CPLANE1: variants seen among roughly 807,000 people sequenced by gnomAD.
CPLANE1 encodes the protein ciliogenesis and planar polarity effector 1.
CPLANE1 carries 263 observed loss-of-function variants against 362.5 expected under a neutral mutation model. The ratio of observed to expected loss-of-function variants is 0.73; its 90% CI spans 0.66 to 0.80. CPLANE1 has a LOEUF of 0.80. Among genes scored for constraint, CPLANE1 ranks in the 30% least tolerant of loss-of-function variants. CPLANE1 has a pLI of 0.00. For synonymous variants in CPLANE1, 1,212 were observed against 1,302.6 expected, an observed-to-expected ratio of 0.93 and a Z score of 1.50; for missense variants, 3,461 against 3,793.4, an observed-to-expected ratio of 0.91 and a Z score of 2.30.
chr5:37,122,042 G>T (rs1207410784), intron 48 of CPLANE1, among the ~76,000 whole-genome samples: 1 of 151,928 alleles, frequency 6.6e-6, no homozygotes, highest in Admixed American at 6.6e-5. Context: ...CACCATGCCC[G>T]GCTAATTTCA....
chr5:37,216,583 G>A (rs1794149031), intron 15 of CPLANE1, among the ~76,000 whole-genome samples: 1 of 152,182 alleles, frequency 6.6e-6, no homozygotes, highest in East Asian at 1.9e-4. Context: ...AGTGAAGGGA[G>A]ATGGCTAGAT....
chr5:37,128,928 C>CA (rs1489597901), intron 46 of CPLANE1, among the ~76,000 whole-genome samples: 1 of 151,636 alleles, frequency 6.6e-6, no homozygotes, highest in South Asian at 2.1e-4. Flanking sequence ...CATATGGAAC[C>CA]AAAAAAGAGC....
intron 16 of CPLANE1, chr5:37,211,458 T>G: frequency 6.9e-7 from 1 of 1,456,246 alleles, no homozygotes; most frequent in Non-Finnish European, 9.3e-7. Flanking sequence ...CAGAGTTGTC[T>G]CTGAGCAGCC....
intron 51 of CPLANE1, among the ~76,000 whole-genome samples, chr5:37,112,541 C>A (rs1245339877): frequency 6.6e-6 from 1 of 152,184 alleles, no homozygotes; most frequent in African/African-American, 2.4e-5. Context: ...ACCAGGCTGC[C>A]AAGTACACTG....
At chr5:37,214,052 A>G (rs1793349356) in intron 15 of CPLANE1, among the ~76,000 whole-genome samples, 1 of 152,190 alleles carries the variant, frequency 6.6e-6, no homozygotes, top group Non-Finnish European at 1.5e-5. Context: ...GGCATACCAC[A>G]TAACCTAGAA....
chr5:37,173,912 G>A lies in CPLANE1; in HGVS notation c.6014C>T (p.Ser2005Leu). The A allele has an allele frequency of 1.2e-6, 2 of 1,614,106 alleles. No homozygotes were observed. The highest frequency in any genetic ancestry group is 8.5e-7 in the Non-Finnish European group (1 of 1,180,006). Residue 2005 changes from serine to leucine, a missense_variant, in exon 32 of 53, where the codon TCA becomes TTA. By Grantham distance (145) the Ser-to-Leu change is moderately radical. Transcript: ENST00000651892. ...QISTYKEKSS[S>L]VPLLISNGVN... Reference sequence around the variant, plus strand: ...TCCATTTGATATCAGAAGTGGAACTGAGGAAGATTTTTCTTTATATGTAGA... The same window carrying A: ...TCCATTTGATATCAGAAGTGGAACTAAGGAAGATTTTTCTTTATATGTAGA...
chr5:37,111,590 A>G (rs961842186), intron 51 of CPLANE1, among the ~76,000 whole-genome samples: 6 of 152,342 alleles, frequency 3.9e-5, no homozygotes, highest in African/African-American at 1.4e-4. Flanking sequence ...GTGCAGTGGT[A>G]CAGACAGCTT....
intron 21 of CPLANE1, among the ~76,000 whole-genome samples, chr5:37,193,995 CA>C (rs779081786): frequency 1.3e-5 from 2 of 150,694 alleles, no homozygotes; most frequent in African/African-American, 2.4e-5. Context: ...AATCTTGGCT[CA>C]CTGCAACCTC....
intron 15 of CPLANE1, among the ~76,000 whole-genome samples, chr5:37,215,112 C>T (rs953949198): frequency 9.2e-5 from 14 of 152,030 alleles, no homozygotes; most frequent in Admixed American, 3.3e-4. Flanking sequence ...TGCAATGGTG[C>T]GATCTCAGCT....
intron 47 of CPLANE1, among the ~76,000 whole-genome samples, chr5:37,124,642 T>A (rs139685559): frequency 2.0e-5 from 3 of 152,254 alleles, no homozygotes; most frequent in African/African-American, 4.8e-5. Flanking sequence ...AGTCTCAAAC[T>A]TCTGGGCTCA....
chr5:37,119,699 T>C (rs1762070540), intron 50 of CPLANE1, among the ~76,000 whole-genome samples: 2 of 146,110 alleles, frequency 1.4e-5, no homozygotes, highest in South Asian at 4.4e-4. Context: ...AAAAAAGCCA[T>C]TCAAGGCCGG....
Position 37,179,456 on chromosome 5 carries a change from G to A in CPLANE1, c.5738-13C>T. On this transcript the variant is annotated splice_polypyrimidine_tract_variant and intron_variant, in intron 28 of 52. Transcript: ENST00000651892. ...TCTTCAATGTCTTCTAGCGATAAGT[G>A]AAGATGAAGAGAAAACTGATCATTT... 2 of 1,579,760 alleles carry A rather than the reference G, an allele frequency of 1.3e-6. No homozygotes were observed. The highest frequency in any genetic ancestry group is 1.7e-6 in the Non-Finnish European group (2 of 1,155,332).
intron 46 of CPLANE1, among the ~76,000 whole-genome samples, chr5:37,136,878 A>G (rs1767877841): frequency 6.6e-6 from 1 of 152,200 alleles, no homozygotes; most frequent in African/African-American, 2.4e-5. Context: ...TGCACACAGC[A>G]AGGAGGGCCT....
chr5:37,137,031 A>G (rs1289173952), intron 46 of CPLANE1, among the ~76,000 whole-genome samples: 1 of 152,176 alleles, frequency 6.6e-6, no homozygotes, highest in Non-Finnish European at 1.5e-5. Flanking sequence ...TTATTTATGG[A>G]AATTTCTGCA....
chr5:37,177,816 A>C, intron 29 of CPLANE1, 116 bp from the exon 30 acceptor site: 1 of 757,860 alleles, frequency 1.3e-6, no homozygotes, highest in Non-Finnish European at 2.2e-6. Flanking sequence ...GTCTACAAGC[A>C]AGTGAGAAAT....
At chr5:37,189,869 T>C (rs1037446605) in intron 21 of CPLANE1, among the ~76,000 whole-genome samples, 1 of 151,770 alleles carries the variant, frequency 6.6e-6, no homozygotes, top group Admixed American at 6.6e-5. Context: ...CGTGGTGGTG[T>C]GCACCTGTAA....
chr5:37,091,733 G>A, the CPLANE1 span, among the ~76,000 whole-genome samples: 6 of 152,156 alleles, frequency 3.9e-5, no homozygotes, highest in African/African-American at 1.4e-4. Flanking sequence ...TTGTTAATGT[G>A]GGGAAGAGGG....
chr5:37,112,430 C>A (rs1246552889), intron 51 of CPLANE1, among the ~76,000 whole-genome samples: 1 of 152,116 alleles, frequency 6.6e-6, no homozygotes, highest in Non-Finnish European at 1.5e-5. Context: ...ACTGAGCATG[C>A]ATAAGACTTT....
At chr5:37,089,526 G>A in the CPLANE1 span, among the ~76,000 whole-genome samples, 8 of 152,250 alleles carry the variant, frequency 5.3e-5, no homozygotes, top group African/African-American at 1.7e-4. Context: ...AGCTGGGCAT[G>A]TCGAATTATC....
Sources: gnomAD v4.1 joint callset for allele counts (sites outside exome capture counted in the v4.1 genomes callset) on GRCh38, gnomAD v4.1.1 for gene constraint, MANE v1.5 for transcripts, NCBI Gene and HGNC (gene_info 2026-07-23, HGNC 2026-07-21) for gene names.